Variants in PHF20 observed in about 807,000 individuals in gnomAD.
PHF20 encodes the protein PHD finger protein 20.
In PHF20, 23 loss-of-function variants were observed where a neutral mutation model predicts 113.5. That is an observed-to-expected ratio of 0.20 (90% CI 0.15 to 0.29). The LOEUF is 0.29. PHF20 is among the 10% of genes least tolerant of loss of function. PHF20 has a pLI of 1.00. For missense variants in PHF20, 943 were observed against 1,219.6 expected (o/e 0.77, Z 3.38); for synonymous variants, 434 against 457.3 (o/e 0.95, Z 0.65).
intron 17 of PHF20, among the ~76,000 whole-genome samples, chr20:35,945,278 A>T (rs2056065506): frequency 6.6e-6 from 1 of 152,164 alleles, no homozygotes; most frequent in South Asian, 2.1e-4. Flanking sequence ...AGTGGCAAGC[A>T]AGGCAGACTC....
intron 16 of PHF20, among the ~76,000 whole-genome samples, 167 bp downstream of exon 16, chr20:35,939,275 C>T (rs777318313): frequency 1.3e-5 from 2 of 152,032 alleles, no homozygotes; most frequent in Non-Finnish European, 2.9e-5. Flanking sequence ...TCAGGAGAGC[C>T]CACTTAAGCC....
chr20:35,911,569 ACT>A (rs1252422068), intron 10 of PHF20, among the ~76,000 whole-genome samples: 2 of 152,290 alleles, frequency 1.3e-5, no homozygotes, highest in South Asian at 4.1e-4. Context: ...GTACGTATAA[ACT>A]CTTGTTGATA....
intron 2 of PHF20, among the ~76,000 whole-genome samples, chr20:35,818,808 A>T (rs1441837675): frequency 6.6e-6 from 1 of 152,194 alleles, no homozygotes; most frequent in Non-Finnish European, 1.5e-5. Context: ...AAGTGTTGGG[A>T]TTACAGGCAT....
chr20:35,930,709 G>T (rs971510799), intron 14 of PHF20, among the ~76,000 whole-genome samples: 4 of 152,196 alleles, frequency 2.6e-5, no homozygotes, highest in Admixed American at 6.6e-5. Context: ...TTCTGAGGAG[G>T]TGGTAAGGAG....
chr20:35,896,140 C>G (rs935713328), intron 9 of PHF20, among the ~76,000 whole-genome samples: 1 of 151,346 alleles, frequency 6.6e-6, no homozygotes, highest in African/African-American at 2.4e-5. Flanking sequence ...TTTAAATTGG[C>G]TCTATAACAG....
At chr20:35,808,914 A>C (rs1297554627) in intron 2 of PHF20, among the ~76,000 whole-genome samples, 1 of 151,452 alleles carries the variant, frequency 6.6e-6, no homozygotes, top group Non-Finnish European at 1.5e-5. Flanking sequence ...GGAAAAGAGG[A>C]AAACGTTATG....
Position 35,871,713 on chromosome 20 carries a change from G to T in PHF20, c.1166G>T (p.Gly389Val), listed in dbSNP as rs2054424869. The change falls in exon 9 of 18, where the codon GGG becomes GTG. Residue 389 changes from glycine to valine, a missense_variant. By Grantham distance (109) the Gly-to-Val change is moderately radical. Around this residue, in one of 3 missense-constraint regions of PHF20, gnomAD observed 592 missense variants for 787.2 expected, o/e 0.75. Transcript: ENST00000374012. Reference sequence around the variant, plus strand: ...TCTGCACTGACTTGCCACTCCTTTGGGGATGGATCCGGGGCTGCAGGCTTG... The same window carrying T: ...TCTGCACTGACTTGCCACTCCTTTGTGGATGGATCCGGGGCTGCAGGCTTG... ...VSSALTCHSF[G>V]DGSGAAGLEL... The T allele has an allele frequency of 6.2e-7, 1 of 1,613,716 alleles. No homozygotes were observed. Among genetic ancestry groups the T allele is most frequent in the African/African-American group, 1.3e-5 (1 of 74,860 alleles).
intron 10 of PHF20, among the ~76,000 whole-genome samples, chr20:35,910,905 G>A (rs2055287964): frequency 6.6e-6 from 1 of 151,100 alleles, no homozygotes; most frequent in African/African-American, 2.4e-5. Context: ...CTGGGAGTGA[G>A]CCAGCATGCC....
chr20:35,925,409 C>G (rs1366970738), intron 13 of PHF20, among the ~76,000 whole-genome samples: 3 of 151,912 alleles, frequency 2.0e-5, no homozygotes, highest in Non-Finnish European at 4.4e-5. Flanking sequence ...ATTACAGGCG[C>G]CTGCCACCAT....
chr20:35,936,357 T>C (rs373420501), intron 15 of PHF20, among the ~76,000 whole-genome samples: 6 of 152,162 alleles, frequency 3.9e-5, no homozygotes, highest in African/African-American at 1.4e-4. Context: ...ATGGGATTGC[T>C]GGAGTGGGAG....
intron 1 of PHF20, among the ~76,000 whole-genome samples, chr20:35,794,773 C>G (rs2041634352): frequency 6.6e-6 from 1 of 152,186 alleles, no homozygotes; most frequent in Non-Finnish European, 1.5e-5. Context: ...TGTTGTCCCT[C>G]TTTTCCCTGA....
chr20:35,845,105 G>A (rs185337085), intron 3 of PHF20, among the ~76,000 whole-genome samples: 194 of 151,300 alleles, frequency 1.3e-3, no homozygotes, highest in African/African-American at 4.4e-3. Flanking sequence ...TCCTATTTTT[G>A]TTTGGTTTTT....
At chr20:35,839,652 A>G (rs575900237) in intron 2 of PHF20, among the ~76,000 whole-genome samples, 1 of 152,312 alleles carries the variant, frequency 6.6e-6, no homozygotes, top group African/African-American at 2.4e-5. Context: ...TCTTGTATTT[A>G]TAGCAGCTGT....
At chr20:35,782,786 A>G (rs1436691956) in intron 1 of PHF20, among the ~76,000 whole-genome samples, 3 of 152,212 alleles carry the variant, frequency 2.0e-5, no homozygotes, top group African/African-American at 7.2e-5. Context: ...TACTTAACCT[A>G]TATGAGCCTG....
intron 2 of PHF20, among the ~76,000 whole-genome samples, chr20:35,832,774 A>C (rs1394264746): frequency 5.9e-5 from 9 of 152,132 alleles, no homozygotes; most frequent in Admixed American, 2.6e-4. Context: ...TTCTGGCCAG[A>C]TGTGGTGGCT....
At chr20:35,922,834 G>A (rs572659824) in intron 13 of PHF20, among the ~76,000 whole-genome samples, 2 of 152,314 alleles carry the variant, frequency 1.3e-5, no homozygotes, top group South Asian at 4.1e-4. Context: ...TCACCTGTAT[G>A]GTTGGCTGCA....
intron 10 of PHF20, among the ~76,000 whole-genome samples, chr20:35,908,240 G>T (rs8125393): frequency 0.097 from 14,840 of 152,234 alleles, 779 homozygotes; most frequent in South Asian, 0.15. Context: ...ATTTCTGCCT[G>T]TTGTCACCTT....
chr20:35,802,707 G>C (rs988122590), intron 2 of PHF20, among the ~76,000 whole-genome samples: 2 of 152,094 alleles, frequency 1.3e-5, no homozygotes, highest in Admixed American at 6.6e-5. Context: ...GGAGGCCGAG[G>C]TGGGTGGATC....
At chr20:35,888,911 G>C (rs952251421) in intron 9 of PHF20, among the ~76,000 whole-genome samples, 17 of 151,702 alleles carry the variant, frequency 1.1e-4, no homozygotes, top group Admixed American at 1.1e-3. Flanking sequence ...TAAATGAACT[G>C]TCCTCCCATA....
Sources: allele counts gnomAD v4.1 joint callset (sites outside exome capture counted in the v4.1 genomes callset), GRCh38; gene constraint gnomAD v4.1.1; regional missense constraint gnomAD v4.1.1; transcripts MANE v1.5; gene names NCBI Gene and HGNC (gene_info 2026-07-23, HGNC 2026-07-21).